CLCN6: variants seen among roughly 807,000 people sequenced by gnomAD.
The protein encoded by CLCN6 is Cl-/H+ antiporter 6.
In CLCN6, 70 loss-of-function variants were observed where a neutral mutation model predicts 109.8. That is an observed-to-expected ratio of 0.64 (90% CI 0.53 to 0.78). The LOEUF (loss-of-function observed/expected upper bound fraction) is 0.78. Among genes scored for constraint, CLCN6 ranks in the 30% least tolerant of loss-of-function variants. CLCN6 has a pLI of 0.00. For missense variants in CLCN6, 984 were observed against 1,142.3 expected (o/e 0.86, Z 2.00); for synonymous variants, 444 against 447.8 (o/e 0.99, Z 0.11).
Position 11,828,441 on chromosome 1 carries a change from C to T in CLCN6, c.955-17C>T. 3.1e-6 allele frequency: 5 copies of T among 1,614,002 alleles called. No individual in the cohort carries two copies. Among genetic ancestry groups the T allele is most frequent in the Non-Finnish European group, 4.2e-6 (5 of 1,179,888 alleles). On this transcript the variant is annotated splice_polypyrimidine_tract_variant and intron_variant, in intron 11 of 22. Coordinates refer to ENST00000346436, the MANE Select transcript of CLCN6 (RefSeq NM_001286.5). ...TGCTATGGTTTTTCTCTCCCTCTCC[C>T]TTTCCCCTTCTCTCAGTGCTCTGAC... is the stretch of plus-strand genomic sequence containing the variant.
Position 11,836,998 on chromosome 1 carries a change from G to A in CLCN6, c.1981-1G>A, listed in dbSNP as rs1238060164. The A allele has an allele frequency of 6.2e-7, 1 of 1,608,524 alleles. No individual in the cohort carries two copies. The highest frequency in any genetic ancestry group is 8.5e-7 in the Non-Finnish European group (1 of 1,180,002). ...GTAGCCTGTGGCCTCCCCACCCACA[G>A]AAATCCAGCATCCTCACCCGGGCTG... On this transcript the variant is annotated splice_acceptor_variant, in intron 18 of 22. Transcript: ENST00000346436. LOFTEE classifies it high-confidence loss of function.
At chr1:11,835,154 G>A (rs999352296) in intron 17 of CLCN6, among the ~76,000 whole-genome samples, 14 of 152,332 alleles carry the variant, frequency 9.2e-5, no homozygotes, top group South Asian at 4.1e-4. Flanking sequence ...TCTCTGTCAC[G>A]ACTACTCGAC....
chr1:11,825,228 A>G (rs1334623370), intron 8 of CLCN6, among the ~76,000 whole-genome samples: 1 of 152,144 alleles, frequency 6.6e-6, no homozygotes, highest in Non-Finnish European at 1.5e-5. Context: ...AGAGGGAGTT[A>G]TTGTGGTTGG....
In CLCN6 at chr1:11,837,123, A is replaced by AG. The variant is rs1557434751; in HGVS notation, c.2107dup (p.Glu703GlyfsTer21). ...ATCGCCTCTGAGGAGCCAGCCGAGA[A>AG]GGAGGACCTCCTGCAGCAGATGCTG... On this transcript the variant is annotated frameshift_variant, in exon 19 of 23. Transcript: ENST00000346436. LOFTEE classifies it high-confidence loss of function. 6.2e-7 allele frequency: 1 copy of AG among 1,613,266 alleles called. No homozygotes were observed. Among genetic ancestry groups the AG allele is most frequent in the African/African-American group, 1.3e-5 (1 of 75,054 alleles).
Position 11,822,740 on chromosome 1 carries a change from T to G in CLCN6, c.392T>G (p.Leu131Arg). 6.2e-7 allele frequency: 1 copy of G among 1,614,170 alleles called. No homozygotes were observed. Among genetic ancestry groups the G allele is most frequent in the Non-Finnish European group, 8.5e-7 (1 of 1,180,000 alleles). Reference protein sequence around the residue: ...SQKGCLALSLLELLGFNLTFV... With the variant: ...SQKGCLALSLRELLGFNLTFV... ...AAAGGCTGCCTCGCTCTGTCTCTCC[T>G]TGAACTCCTGGGTTTTAACCTCACC... The change falls in exon 6 of 23, where the codon CTT becomes CGT. Residue 131 changes from leucine to arginine, a missense_variant. Transcript: ENST00000346436.
chr1:11,823,954 A>G, intron 7 of CLCN6, 121 bp downstream of exon 7: 1 of 1,294,174 alleles, frequency 7.7e-7, no homozygotes, highest in East Asian at 2.4e-5. Context: ...TGATGTCTGC[A>G]CTTTTTGTTG....
intron 3 of CLCN6, among the ~76,000 whole-genome samples, 177 bp from the exon 4 acceptor site, chr1:11,816,438 C>T (rs1644673425): frequency 6.6e-6 from 1 of 152,198 alleles, no homozygotes; most frequent in South Asian, 2.1e-4. Context: ...TGCACCTTGC[C>T]CAGCCTCTTA....
At chr1:11,826,331 A>G in intron 9 of CLCN6, 117 bp downstream of exon 9, 1 of 788,608 alleles carries the variant, frequency 1.3e-6, no homozygotes, top group Non-Finnish European at 2.1e-6. Flanking sequence ...CCCGACTGGG[A>G]GAAGGGGGCG....
chr1:11,834,471 C>T lies in CLCN6; in HGVS notation c.1687-13C>T. 1 of 1,613,946 alleles carries T rather than the reference C, an allele frequency of 6.2e-7. No individual in the cohort carries two copies. On this transcript the variant is annotated splice_polypyrimidine_tract_variant and intron_variant, in intron 16 of 22. Coordinates refer to ENST00000346436, the MANE Select transcript of CLCN6 (RefSeq NM_001286.5). This position sits in a 1 kb window ranked among gnomAD's most constrained non-coding sequence, Gnocchi z 4.5. ...CACAGGACCTATTTTTAGGTCTTTG[C>T]TTTGTGTTTCAGGTGGCCAAATGGA... is the stretch of plus-strand genomic sequence containing the variant.
At chr1:11,827,354 GC>G in intron 10 of CLCN6, 133 bp downstream of exon 10, 1 of 873,210 alleles carries the variant, frequency 1.1e-6, no homozygotes. Flanking sequence ...TTCCTCTTGT[GC>G]CCATAACCTC....
At chr1:11,815,346 C>A (rs549193916) in intron 2 of CLCN6, among the ~76,000 whole-genome samples, 37 of 152,192 alleles carry the variant, frequency 2.4e-4, no homozygotes, top group Non-Finnish European at 5.0e-4. Flanking sequence ...TAATGTGCAT[C>A]TGAGTCATCT....
chr1:11,835,258 G>A (rs1644929723), intron 17 of CLCN6, among the ~76,000 whole-genome samples: 1 of 152,138 alleles, frequency 6.6e-6, no homozygotes, highest in Admixed American at 6.5e-5. Context: ...CCCAAGTGCT[G>A]TGTTTATTTT....
chr1:11,826,860 G>A (rs1644817875), intron 9 of CLCN6, among the ~76,000 whole-genome samples: 1 of 152,118 alleles, frequency 6.6e-6, no homozygotes, highest in Non-Finnish European at 1.5e-5. Flanking sequence ...AGGGGCTCCT[G>A]TTCCCAGGCA....
intron 13 of CLCN6, among the ~76,000 whole-genome samples, chr1:11,832,720 C>T (rs1644896907): frequency 6.6e-6 from 1 of 152,208 alleles, no homozygotes. Context: ...ATAAGACTCC[C>T]TATTTGCATG....
chr1:11,836,847 C>A, intron 18 of CLCN6, 152 bp from the exon 19 acceptor site: 1 of 825,230 alleles, frequency 1.2e-6, no homozygotes, highest in Non-Finnish European at 1.9e-6. Context: ...TTTGAACCAC[C>A]AGCCTGAGCC....
At position 11,834,588 on chromosome 1, in the gene CLCN6, CAAGT is replaced by C; in HGVS notation, c.1793+2_1793+5del. ...AATGGGAGACAGAGGTGGAAATGGA[CAAGT>C]AAGGCCATGATTTTGCTCATGTCCT... is the stretch of plus-strand genomic sequence containing the variant. On this transcript the variant is annotated splice_donor_variant and coding_sequence_variant, in exon 17 of 23. Coordinates refer to ENST00000346436, the MANE Select transcript of CLCN6 (RefSeq NM_001286.5). LOFTEE classifies it high-confidence loss of function. This position sits in a 1 kb window ranked among gnomAD's most constrained non-coding sequence, Gnocchi z 4.5. 1 of 1,613,170 alleles carries C rather than the reference CAAGT, an allele frequency of 6.2e-7. No individual in the cohort carries two copies. The highest frequency in any genetic ancestry group is 8.5e-7 in the Non-Finnish European group (1 of 1,179,298).
intron 17 of CLCN6, 51 bp from the exon 18 acceptor site, chr1:11,835,916 G>T: frequency 6.4e-7 from 1 of 1,555,928 alleles, no homozygotes; most frequent in Non-Finnish European, 8.7e-7. Context: ...CTTGCTCCCA[G>T]GGGCCTGCGG....
chr1:11,836,208 A>C, intron 18 of CLCN6, 55 bp downstream of exon 18: 41 of 1,526,412 alleles, frequency 2.7e-5, no homozygotes, highest in Non-Finnish European at 3.6e-5. Flanking sequence ...GTCCCGTCTC[A>C]CACGGCTTAG....
Position 11,840,498 on chromosome 1 carries a change from G to A in CLCN6, c.*275G>A, listed in dbSNP as rs2100665138. On this transcript the variant is annotated 3_prime_UTR_variant, in exon 23 of 23. Coordinates refer to ENST00000346436, the MANE Select transcript of CLCN6 (RefSeq NM_001286.5). ...CAGTGTTGGCACAGGCCCACCCCTGGCTCCACCAGAGCCAGAAGCAGAGGT... is the reference window on the plus strand; with the variant it reads ...CAGTGTTGGCACAGGCCCACCCCTGACTCCACCAGAGCCAGAAGCAGAGGT... 1 of 527,408 alleles carries A rather than the reference G, an allele frequency of 1.9e-6. No homozygotes were observed. Among genetic ancestry groups the A allele is most frequent in the African/African-American group, 1.9e-5 (1 of 52,510 alleles). The allele number at this position is 527,408 out of a possible 1,614,324, so 32.7% of individuals were successfully genotyped here.
Sources: allele counts gnomAD v4.1 joint callset (sites outside exome capture counted in the v4.1 genomes callset), GRCh38; gene constraint gnomAD v4.1.1; non-coding constraint Gnocchi (gnomAD v3.1); transcripts MANE v1.5; gene names NCBI Gene and HGNC (gene_info 2026-07-23, HGNC 2026-07-21).